The following CERT1 variants were observed in gnomAD, a reference collection of about 807,000 sequenced individuals.
The protein encoded by CERT1 is ceramide transporter 1.
In CERT1, 31 loss-of-function variants were observed where a neutral mutation model predicts 87.9. The ratio of observed to expected loss-of-function variants is 0.35; its 90% CI spans 0.27 to 0.48. The LOEUF is 0.48. Among genes scored for constraint, CERT1 ranks in the 20% least tolerant of loss-of-function variants. CERT1 has a pLI of 0.99. For missense variants in CERT1, 487 were observed against 758.0 expected (o/e 0.64, Z 4.20); for synonymous variants, 289 against 250.9 (o/e 1.15, Z -1.44).
At chr5:75,368,901 T>C (rs1268192439) in intron 17 of CERT1, 1 of 151,894 alleles carries the variant, frequency 6.6e-6, no homozygotes, top group Non-Finnish European at 1.5e-5. Context: ...AAGTTGAAAA[T>C]AACGTAAGTT....
At chr5:75,419,283 G>T in intron 6 of CERT1, 58 bp downstream of exon 6, 3 of 1,109,698 alleles carry the variant, frequency 2.7e-6, no homozygotes, top group Non-Finnish European at 4.0e-6. Context: ...CTTGTGAGTT[G>T]TTACATAACT....
At chr5:75,369,351 A>G (rs1761005148) in intron 17 of CERT1, 1 of 152,264 alleles carries the variant, frequency 6.6e-6, no homozygotes, top group African/African-American at 2.4e-5. Flanking sequence ...ACCATTGTTA[A>G]GGAACCATGT....
chr5:75,422,520 G>A (rs974782863), intron 5 of CERT1, among the ~76,000 whole-genome samples: 1 of 152,178 alleles, frequency 6.6e-6, no homozygotes, highest in Non-Finnish European at 1.5e-5. Flanking sequence ...GGAAGGCTGA[G>A]GTGGGAGGAC....
chr5:75,373,466 C>T (rs1434341072), downstream of CERT1: 1 of 151,996 alleles, frequency 6.6e-6, no homozygotes, highest in Non-Finnish European at 1.5e-5. Flanking sequence ...GTACACAGTA[C>T]ACAACTAAAA....
At position 75,382,033 on chromosome 5, in the gene CERT1, G is replaced by C; in HGVS notation, c.1533C>G (p.Val511=). The part of the protein sequence containing the change: ...ASQRDVLYLS[V]IRKIPALTEN... ...CAGTCAAGGCTGGTATCTTTCGAAT[G>C]ACAGAAAGATATAATACGTCTCGCT... The change falls in exon 15 of 17, where the codon GTC becomes GTG. Residue 511 remains valine, a synonymous_variant. Coordinates refer to ENST00000643780, the MANE Select transcript of CERT1 (RefSeq NM_001379029.1). 6.2e-7 allele frequency: 1 copy of C among 1,613,650 alleles called. No individual in the cohort carries two copies. The highest frequency in any genetic ancestry group is 8.5e-7 in the Non-Finnish European group (1 of 1,179,664).
chr5:75,416,774 A>G, intron 7 of CERT1, 102 bp downstream of exon 7: 1 of 1,024,542 alleles, frequency 9.8e-7, no homozygotes, highest in Non-Finnish European at 1.4e-6. Context: ...TATTTCTATC[A>G]ACCCAAGATT....
At chr5:75,455,640 A>T (rs1403954593) in intron 3 of CERT1, among the ~76,000 whole-genome samples, 1 of 152,192 alleles carries the variant, frequency 6.6e-6, no homozygotes, top group Non-Finnish European at 1.5e-5. Context: ...GTCCTGTTTG[A>T]CAATCCACGG....
intron 11 of CERT1, among the ~76,000 whole-genome samples, chr5:75,392,435 A>C (rs1762065195): frequency 6.6e-6 from 1 of 152,230 alleles, no homozygotes; most frequent in Non-Finnish European, 1.5e-5. Context: ...AACTCTGCAA[A>C]ACTTTCATCA....
chr5:75,369,324 G>A (rs553364132), intron 17 of CERT1: 3 of 152,260 alleles, frequency 2.0e-5, no homozygotes, highest in South Asian at 2.1e-4. Flanking sequence ...GCATAAAGTC[G>A]AACAATCATA....
intron 3 of CERT1, among the ~76,000 whole-genome samples, chr5:75,453,579 A>G (rs1006057919): frequency 1.3e-5 from 2 of 152,178 alleles, no homozygotes; most frequent in Non-Finnish European, 2.9e-5. Context: ...TTCACTAACT[A>G]GTTGATTGAC....
At chr5:75,442,960 T>C (rs899288272) in intron 3 of CERT1, among the ~76,000 whole-genome samples, 2 of 152,138 alleles carry the variant, frequency 1.3e-5, no homozygotes, top group Non-Finnish European at 2.9e-5. Context: ...AGGAAAAAAA[T>C]TTATATATAT....
intron 11 of CERT1, among the ~76,000 whole-genome samples, chr5:75,396,646 T>C (rs1762265062): frequency 1.3e-5 from 2 of 151,546 alleles, no homozygotes; most frequent in Middle Eastern, 3.4e-3. Context: ...AGAGAATCGC[T>C]TGAATCCAGG....
At chr5:75,461,353 T>C (rs1330021414) in intron 2 of CERT1, among the ~76,000 whole-genome samples, 1 of 152,228 alleles carries the variant, frequency 6.6e-6, no homozygotes, top group East Asian at 1.9e-4. Flanking sequence ...GAGAATCTAA[T>C]GGTTGATGAT....
chr5:75,428,694 T>A (rs868841165), intron 3 of CERT1, among the ~76,000 whole-genome samples: 20 of 148,672 alleles, frequency 1.3e-4, no homozygotes, highest in South Asian at 8.5e-4. Context: ...AAAAAAAAAA[T>A]ATTTACAAGA....
intron 2 of CERT1, among the ~76,000 whole-genome samples, chr5:75,462,185 A>G (rs145945419): frequency 4.3e-4 from 65 of 152,314 alleles, no homozygotes; most frequent in Middle Eastern, 6.8e-3. Flanking sequence ...AATGTAGGAT[A>G]GAGGCCAAAA....
intron 2 of CERT1, among the ~76,000 whole-genome samples, chr5:75,462,431 T>C (rs1287146313): frequency 6.6e-6 from 1 of 152,062 alleles, no homozygotes; most frequent in Non-Finnish European, 1.5e-5. Flanking sequence ...TGCACTCCTA[T>C]GAGAATCTAA....
At position 75,403,038 on chromosome 5, in the gene CERT1, A is replaced by T; in HGVS notation, c.951T>A (p.Ile317=). ...CAGCATCAAAGAACTCTTCTTCATT[A>T]ATCAGACTGTTAGGGCCTTCCTATT... is the stretch of plus-strand genomic sequence containing the variant. ...PDYEEGPNSL[I]NEEEFFDAVE... Residue 317 remains isoleucine (I), a synonymous_variant, in exon 9 of 17, where the codon ATT becomes ATA. Transcript: ENST00000643780. 6.2e-7 allele frequency: 1 copy of T among 1,613,144 alleles called. No individual in the cohort carries two copies. The highest frequency in any genetic ancestry group is 8.5e-7 in the Non-Finnish European group (1 of 1,179,162).
At chr5:75,424,500 A>G (rs1763519647) in intron 5 of CERT1, among the ~76,000 whole-genome samples, 4 of 151,824 alleles carry the variant, frequency 2.6e-5, no homozygotes, top group Non-Finnish European at 5.9e-5. Flanking sequence ...TGAACCAGGG[A>G]GCCGGAGGTT....
chr5:75,384,680 A>G lies in CERT1; in HGVS notation c.1450T>C (p.Leu484=). 1 of 1,606,176 alleles carries G rather than the reference A, an allele frequency of 6.2e-7. No individual in the cohort carries two copies. Among genetic ancestry groups the G allele is most frequent in the Non-Finnish European group, 8.5e-7 (1 of 1,173,154 alleles). The stretch of plus-strand genomic sequence containing the variant: ...TAAATGATGATTGCATTATCAGCTA[A>G]TGTTTCCACCACATGAAAGTTTTCT... The part of the protein sequence containing the change: ...TIENFHVVET[L]ADNAIIIYQT... The change falls in exon 14 of 17, where the codon TTA becomes CTA. Residue 484 remains leucine (L), a synonymous_variant. Transcript: ENST00000643780.
Sources: allele counts gnomAD v4.1 joint callset (sites outside exome capture counted in the v4.1 genomes callset), GRCh38; gene constraint gnomAD v4.1.1; transcripts MANE v1.5; gene names NCBI Gene and HGNC (gene_info 2026-07-23, HGNC 2026-07-21).